Variants in PHLPP2 observed in about 807,000 individuals in gnomAD.
PHLPP2 encodes the protein PH domain leucine-rich repeat-containing protein phosphatase 2.
A neutral mutation model predicts 124.9 loss-of-function variants in PHLPP2; 66 were observed. The observed-to-expected ratio is 0.53, with a 90% CI of 0.43 to 0.65. The LOEUF is 0.65. PHLPP2 is among the 30% of genes least tolerant of loss of function. PHLPP2 has a pLI of 0.00. For synonymous variants in PHLPP2, 681 were observed against 624.7 expected, an observed-to-expected ratio of 1.09 and a Z score of -1.34; for missense variants, 1,685 against 1,600.4, an observed-to-expected ratio of 1.05 and a Z score of -0.90.
chr16:71,672,131 C>T (rs911404407), intron 10 of PHLPP2, 131 bp downstream of exon 10: 5 of 677,684 alleles, frequency 7.4e-6, no homozygotes, highest in Non-Finnish European at 1.3e-5. Context: ...TCCATTCATC[C>T]TTTCTCCTTT....
chr16:71,672,248 T>A lies in PHLPP2; in HGVS notation c.1532+14A>T, dbSNP rs746439408. ...TAGTAAGAAGCAAGCGCCACCCTCA[T>A]GAAAGACACTCACCGGGAGAGATCC... On this transcript the variant is annotated intron_variant, in intron 10 of 18. Coordinates refer to ENST00000568954, the MANE Select transcript of PHLPP2 (RefSeq NM_015020.3). The A allele has an allele frequency of 6.2e-7, 1 of 1,606,400 alleles. No homozygotes were observed. Among genetic ancestry groups the A allele is most frequent in the Non-Finnish European group, 8.5e-7 (1 of 1,173,134 alleles).
chr16:71,649,641 C>T lies in PHLPP2; in HGVS notation c.3221G>A (p.Ser1074Asn). ...ACTGCTGAACTCAGAGGCAATCCCA[C>T]TGCTAGAGGATGGAGTGGCTGGCTT... ...APKPATPSSS[S>N]GIASEFSSEM... The change falls in exon 19 of 19, where the codon AGT becomes AAT. Residue 1074 changes from serine (S) to asparagine (N), a missense_variant. Coordinates refer to ENST00000568954, the MANE Select transcript of PHLPP2 (RefSeq NM_015020.3). The T allele has an allele frequency of 6.2e-7, 1 of 1,614,222 alleles. No homozygotes were observed. Among genetic ancestry groups the T allele is most frequent in the East Asian group, 2.2e-5 (1 of 44,888 alleles).
intron 15 of PHLPP2, among the ~76,000 whole-genome samples, 179 bp from the exon 16 acceptor site, chr16:71,656,860 C>T (rs2044746370): frequency 6.6e-6 from 1 of 152,066 alleles, no homozygotes. Context: ...AGCAATTCTC[C>T]TGCCTCAGCC....
intron 1 of PHLPP2, among the ~76,000 whole-genome samples, chr16:71,719,795 TTTTG>T (rs1216809880): frequency 2.0e-5 from 3 of 151,666 alleles, no homozygotes; most frequent in African/African-American, 7.3e-5. Context: ...AATTTTACAC[TTTTG>T]TTTGTTTGTT....
At chr16:71,657,991 C>T in intron 15 of PHLPP2, among the ~76,000 whole-genome samples, 1 of 152,174 alleles carries the variant, frequency 6.6e-6, no homozygotes, top group Non-Finnish European at 1.5e-5. Context: ...ACATCTATGC[C>T]TGTTGTGAAA....
intron 17 of PHLPP2, 184 bp downstream of exon 17, chr16:71,655,056 C>T (rs546581744): frequency 9.2e-6 from 5 of 543,434 alleles, no homozygotes; most frequent in Non-Finnish European, 1.6e-5. Context: ...ATGACCCCCA[C>T]AGGCTTTTGA....
chr16:71,667,995 C>T (rs796860473), intron 11 of PHLPP2, among the ~76,000 whole-genome samples: 13 of 152,328 alleles, frequency 8.5e-5, no homozygotes, highest in African/African-American at 3.1e-4. Flanking sequence ...TCTCCCACCA[C>T]TTAGAAAAAT....
Position 71,648,603 on chromosome 16 carries a change from C to A in PHLPP2, c.*287G>T. On this transcript the variant is annotated 3_prime_UTR_variant, in exon 19 of 19. Transcript: ENST00000568954. ...TGGCCAACATGGTGAAACCCCGTCT[C>A]TAAAAAAAAAAAATAAAACTTAGCC... 1 of 283,716 alleles carries A rather than the reference C, an allele frequency of 3.5e-6. No homozygotes were observed. The highest frequency in any genetic ancestry group is 5.8e-6 in the Non-Finnish European group (1 of 171,768). The allele number at this position is 283,716 out of a possible 1,614,324, so 17.6% of individuals were successfully genotyped here.
At chr16:71,676,698 T>C in intron 8 of PHLPP2, 49 bp from the exon 9 acceptor site, 1 of 1,337,142 alleles carries the variant, frequency 7.5e-7, no homozygotes, top group East Asian at 2.3e-5. Flanking sequence ...GTCTATTAAA[T>C]GTGCTTACCA....
rs145778348 is a variant in PHLPP2, at chr16:71,644,924, T to C, written c.*3966A>G. The C allele has an allele frequency of 5.2e-3, 1,928 of 371,116 alleles. 12 individuals are homozygous for C. The highest frequency in any genetic ancestry group is 5.6e-3 in the Non-Finnish European group (1,061 of 188,172). 23.0% of individuals were successfully genotyped at this position (371,116 alleles called of 1,614,324 possible). A position where few individuals can be genotyped will look rare whatever the true frequency, so the allele number is the denominator to read the frequency against. ...TACTTATGAAATAACAAGCACTCCA[T>C]TTTAAAACAAAGCCATGAAAAAGAT... On this transcript the variant is annotated 3_prime_UTR_variant, in exon 19 of 19. Transcript: ENST00000568954.
At chr16:71,706,790 C>T (rs1418069190) in intron 2 of PHLPP2, among the ~76,000 whole-genome samples, 1 of 151,792 alleles carries the variant, frequency 6.6e-6, no homozygotes, top group Non-Finnish European at 1.5e-5. Flanking sequence ...TCAGGAAAAC[C>T]AAATTATTTT....
intron 1 of PHLPP2, among the ~76,000 whole-genome samples, chr16:71,721,108 A>G (rs1358195537): frequency 6.8e-6 from 1 of 146,252 alleles, no homozygotes; most frequent in East Asian, 2.1e-4. Context: ...CCGAGGAGGG[A>G]CAGCCTTTAA....
At chr16:71,660,122 AT>A (rs753929116) in intron 13 of PHLPP2, among the ~76,000 whole-genome samples, 52 of 152,170 alleles carry the variant, frequency 3.4e-4, no homozygotes, top group Non-Finnish European at 6.5e-4. Context: ...ATGCTACTTC[AT>A]TAAAATAAAT....
chr16:71,702,728 T>A lies in PHLPP2; in HGVS notation c.288A>T (p.Arg96Ser). ...YLQLHGDLVR[R>S]LEPTERPLQI... ...GAAGAGGTCGTTCAGTAGGTTCCAG[T>A]CTCCTGATTACACAATTCAAAAAAA... Residue 96 changes from arginine to serine, a missense_variant, in exon 3 of 19, where the codon AGA (arginine) becomes AGT (serine). Coordinates refer to ENST00000568954, the MANE Select transcript of PHLPP2 (RefSeq NM_015020.3). 1 of 1,596,380 alleles carries A rather than the reference T, an allele frequency of 6.3e-7. No individual in the cohort carries two copies. The highest frequency in any genetic ancestry group is 1.3e-5 in the African/African-American group (1 of 74,636).
At position 71,655,251 on chromosome 16, in the gene PHLPP2, CAAG is replaced by C; in HGVS notation, c.2571_2573del (p.Phe857del). 2.5e-6 allele frequency: 4 copies of C among 1,610,224 alleles called. No individual in the cohort carries two copies. The highest frequency in any genetic ancestry group is 3.4e-6 in the Non-Finnish European group (4 of 1,176,648). On this transcript the variant is annotated inframe_deletion, in exon 17 of 19. Coordinates refer to ENST00000568954, the MANE Select transcript of PHLPP2 (RefSeq NM_015020.3). ...ACCCACCTGCTTACCTGTGAGATAC[CAAG>C]AAGGTGTTAGCCATGAAAACTGTGT...
chr16:71,707,023 G>A (rs1597015817), intron 2 of PHLPP2, among the ~76,000 whole-genome samples: 1 of 132,840 alleles, frequency 7.5e-6, no homozygotes, highest in African/African-American at 2.9e-5. Flanking sequence ...GCGCAATCTC[G>A]GCTCACTGCA....
intron 13 of PHLPP2, among the ~76,000 whole-genome samples, chr16:71,660,400 G>C (rs1431438446): frequency 4.3e-5 from 6 of 138,138 alleles, no homozygotes; most frequent in Non-Finnish European, 7.8e-5. Context: ...AAAAAAAAAG[G>C]TACTATATTA....
At chr16:71,716,214 T>A (rs1025315848) in intron 1 of PHLPP2, among the ~76,000 whole-genome samples, 1 of 152,218 alleles carries the variant, frequency 6.6e-6, no homozygotes, top group East Asian at 1.9e-4. Context: ...GTTGACAGCA[T>A]TCAGTTTGCT....
chr16:71,665,323 T>C (rs772593580), intron 12 of PHLPP2, among the ~76,000 whole-genome samples: 2 of 152,038 alleles, frequency 1.3e-5, no homozygotes, highest in Non-Finnish European at 2.9e-5. Context: ...AAAAATAAAC[T>C]ATACTTCCAC....
Sources: allele counts gnomAD v4.1 joint callset (sites outside exome capture counted in the v4.1 genomes callset), GRCh38; gene constraint gnomAD v4.1.1; transcripts MANE v1.5; gene names NCBI Gene and HGNC (gene_info 2026-07-23, HGNC 2026-07-21).